NINJ2: variants seen among roughly 807,000 people sequenced by gnomAD.
The protein encoded by NINJ2 is ninjurin 2, also known as ninjurin-2.
A neutral mutation model predicts 11.7 loss-of-function variants in NINJ2; 12 were observed. That is an observed-to-expected ratio of 1.02 (90% CI 0.66 to 1.66). The LOEUF is 1.66. NINJ2 is among the 40% of genes most tolerant of loss of function. NINJ2 has a pLI of 0.00. For synonymous variants in NINJ2, 93 were observed against 76.8 expected (o/e 1.21, Z -1.10); for missense variants, 187 against 181.8 (o/e 1.03, Z -0.16).
At chr12:649,529 G>A (rs6489699) in intron 1 of NINJ2, among the ~76,000 whole-genome samples, 5 of 19,458 alleles carry the variant, frequency 2.6e-4, no homozygotes, top group East Asian at 6.7e-3. Flanking sequence ...GTGTGTATAT[G>A]TGTATATATA....
intron 1 of NINJ2, among the ~76,000 whole-genome samples, chr12:659,224 C>T (rs930957201): frequency 6.6e-6 from 1 of 151,940 alleles, no homozygotes; most frequent in African/African-American, 2.4e-5. Flanking sequence ...TCTACTTAAC[C>T]TGAGCTATAC....
At position 566,109 on chromosome 12, in the gene NINJ2, C is replaced by T; in HGVS notation, c.103G>A (p.Glu35Lys). ...AACAGGGCCACGTCCAGCATGCTCT[C>T]CGCCACGCTCTTCTTGGTGGCGTAA... ...NHYATKKSVA[E>K]SMLDVALFMS... Residue 35 changes from glutamate (E) to lysine (K), a missense_variant, in exon 2 of 4, where the codon GAG (glutamate) becomes AAG (lysine). Physicochemically the swap from Glu to Lys is moderately conservative, Grantham distance 56 (BLOSUM62 1). Coordinates refer to ENST00000305108, the MANE Select transcript of NINJ2 (RefSeq NM_016533.6). 6.2e-7 allele frequency: 1 copy of T among 1,614,162 alleles called. No homozygotes were observed. Among genetic ancestry groups the T allele is most frequent in the East Asian group, 2.2e-5 (1 of 44,882 alleles).
Position 580,890 on chromosome 12 carries a change from GTC to G in NINJ2, c.34-14714_34-14713del, listed in dbSNP as rs774595366. On this transcript the variant is annotated intron_variant, in intron 1 of 3. Transcript: ENST00000305108. This position sits in a 1 kb window ranked among gnomAD's most constrained non-coding sequence, Gnocchi z 4.7. ...TCTGTGTGAATGTGTCTATGCATGT[GTC>G]TGTGTGTCTGTGTGTGTGTCTGTAT... Among the ~76,000 whole-genome samples, 2 of 151,810 alleles carry G rather than the reference GTC, an allele frequency of 1.3e-5. No homozygotes were observed. The highest frequency in any genetic ancestry group is 2.9e-5 in the Non-Finnish European group (2 of 67,942).
intron 1 of NINJ2, among the ~76,000 whole-genome samples, chr12:648,195 T>C (rs1367299064): frequency 7.9e-5 from 12 of 152,166 alleles, no homozygotes; most frequent in Non-Finnish European, 1.8e-4. Context: ...AGCCTCAGCC[T>C]CCCAAGTAGC....
chr12:566,410 C>A (rs1161873664), intron 1 of NINJ2, among the ~76,000 whole-genome samples: 1 of 152,202 alleles, frequency 6.6e-6, no homozygotes, highest in East Asian at 1.9e-4. Context: ...CCTGGAGAGT[C>A]ACCCCTTCCC....
At chr12:635,760 G>A (rs1262731769) in intron 1 of NINJ2, among the ~76,000 whole-genome samples, 1 of 152,170 alleles carries the variant, frequency 6.6e-6, no homozygotes, top group African/African-American at 2.4e-5. Context: ...CAGAACTTGC[G>A]CACCAAAGGA....
At chr12:570,644 C>T (rs963610359) in intron 1 of NINJ2, among the ~76,000 whole-genome samples, 1 of 152,140 alleles carries the variant, frequency 6.6e-6, no homozygotes, top group South Asian at 2.1e-4. Flanking sequence ...TTTCGCCGGA[C>T]TCTTCGCCGC....
At chr12:584,662 C>A (rs1219528352) in intron 1 of NINJ2, among the ~76,000 whole-genome samples, 1 of 151,280 alleles carries the variant, frequency 6.6e-6, no homozygotes, top group Non-Finnish European at 1.5e-5. Flanking sequence ...AAAATTTAGC[C>A]GGGTGTGGTG....
chr12:612,822 T>G (rs1396778027), intron 1 of NINJ2, among the ~76,000 whole-genome samples: 2 of 152,202 alleles, frequency 1.3e-5, no homozygotes, highest in African/African-American at 2.4e-5. Flanking sequence ...GACCCATGTG[T>G]CTGCAGCACA....
intron 1 of NINJ2, among the ~76,000 whole-genome samples, chr12:623,437 G>A (rs1948177456): frequency 1.3e-5 from 2 of 152,206 alleles, no homozygotes; most frequent in Non-Finnish European, 2.9e-5. Context: ...TGTTAGTGCT[G>A]TGAGTCTCTG....
At chr12:642,794 G>A (rs1001619121) in intron 1 of NINJ2, 10 of 152,144 alleles carry the variant, frequency 6.6e-5, no homozygotes, top group African/African-American at 2.4e-4. Flanking sequence ...CCACGTGACA[G>A]GGCCCAAAGC....
At chr12:584,729 C>G (rs1055357126) in intron 1 of NINJ2, among the ~76,000 whole-genome samples, 2 of 151,914 alleles carry the variant, frequency 1.3e-5, no homozygotes, top group African/African-American at 4.8e-5. Flanking sequence ...TCACTTGAAC[C>G]CGGGAGGTGG....
chr12:610,276 CTGCCCAGTCCCCAG>C lies in NINJ2; in HGVS notation c.34-44112_34-44099del, dbSNP rs569588837. 5.3e-3 allele frequency: 7,158 copies of C among 1,356,286 alleles called. 26 individuals carry two copies. The highest frequency in any genetic ancestry group is 6.6e-3 in the Non-Finnish European group (6,447 of 983,868). The allele number at this position is 1,356,286 out of a possible 1,614,324, so 84.0% of individuals were successfully genotyped here. On this transcript the variant is annotated intron_variant, in intron 1 of 3. Transcript: ENST00000305108. ...CAGCCCCTCTGGCAGCCCTCTTCAC[CTGCCCAGTCCCCAG>C]TGCCCAGCACCCAGTGCTGAGCTGG...
At chr12:616,524 A>G (rs1451112649) in intron 1 of NINJ2, among the ~76,000 whole-genome samples, 1 of 152,218 alleles carries the variant, frequency 6.6e-6, no homozygotes, top group Admixed American at 6.5e-5. Flanking sequence ...GAGCTTCATT[A>G]CAGTGAAGAG....
chr12:652,910 G>A (rs1386900527), intron 1 of NINJ2, among the ~76,000 whole-genome samples: 1 of 147,806 alleles, frequency 6.8e-6, no homozygotes, highest in Non-Finnish European at 1.5e-5. Context: ...TCACGCCATT[G>A]CACTGCAGCC....
intron 1 of NINJ2, among the ~76,000 whole-genome samples, chr12:637,812 G>A (rs953218278): frequency 2.0e-5 from 3 of 152,264 alleles, no homozygotes; most frequent in Middle Eastern, 3.4e-3. Flanking sequence ...GTGCTTACGG[G>A]TGGGGTAAAA....
chr12:590,479 C>A (rs748151475), intron 1 of NINJ2, among the ~76,000 whole-genome samples: 3 of 152,204 alleles, frequency 2.0e-5, no homozygotes, highest in Non-Finnish European at 4.4e-5. Context: ...TAAAAACGCA[C>A]CCTCAGCGTT....
intron 1 of NINJ2, among the ~76,000 whole-genome samples, chr12:606,899 G>C (rs1947948260): frequency 6.6e-6 from 1 of 152,164 alleles, no homozygotes; most frequent in African/African-American, 2.4e-5. Flanking sequence ...GGGAGGGAGA[G>C]AGGACGACGC....
intron 1 of NINJ2, among the ~76,000 whole-genome samples, chr12:593,290 A>C (rs1017706683): frequency 6.6e-6 from 1 of 152,232 alleles, no homozygotes; most frequent in African/African-American, 2.4e-5. Context: ...CCTGCAATAC[A>C]TCAACATTTA....
Sources: gnomAD v4.1 joint callset for allele counts (sites outside exome capture counted in the v4.1 genomes callset) on GRCh38, gnomAD v4.1.1 for gene constraint, Gnocchi (gnomAD v3.1) non-coding constraint, MANE v1.5 for transcripts, NCBI Gene and HGNC (gene_info 2026-07-23, HGNC 2026-07-21) for gene names.